SGCD: variants seen among roughly 807,000 people sequenced by gnomAD.
SGCD encodes sarcoglycan delta.
SGCD carries 18 observed loss-of-function variants against 36.6 expected under a neutral mutation model. The observed-to-expected ratio is 0.49, with a 90% CI of 0.34 to 0.73. SGCD has a LOEUF of 0.73. SGCD is among the 30% of genes least tolerant of loss of function. The pLI, the probability that SGCD is intolerant of heterozygous loss-of-function variation, is 0.01. For missense variants in SGCD, 387 were observed against 346.7 expected (o/e 1.12, Z -0.92); for synonymous variants, 133 against 130.6 (o/e 1.02, Z -0.12).
At chr5:155,884,570 G>C (rs1387441269) in intron 1 of SGCD, among the ~76,000 whole-genome samples, 1 of 152,172 alleles carries the variant, frequency 6.6e-6, no homozygotes, top group African/African-American at 2.4e-5. Context: ...AATCCTCTGA[G>C]ACCTATCAAG....
intron 5 of SGCD, among the ~76,000 whole-genome samples, chr5:156,589,909 A>G (rs1256207885): frequency 1.3e-5 from 2 of 152,310 alleles, no homozygotes; most frequent in African/African-American, 4.8e-5. Flanking sequence ...TTAAACTACA[A>G]ATTCCTGAAA....
chr5:156,437,220 C>T (rs1014333650), intron 3 of SGCD, among the ~76,000 whole-genome samples: 3 of 152,046 alleles, frequency 2.0e-5, no homozygotes, highest in African/African-American at 7.2e-5. Flanking sequence ...CCATGTAAGT[C>T]ATCTTACATG....
At chr5:155,965,074 C>A (rs528393035) in intron 1 of SGCD, among the ~76,000 whole-genome samples, 1 of 152,100 alleles carries the variant, frequency 6.6e-6, no homozygotes, top group South Asian at 2.1e-4. Context: ...GAGAATGGGG[C>A]CAGAGTCCTC....
the SGCD span, among the ~76,000 whole-genome samples, chr5:155,849,790 C>T: frequency 1.3e-5 from 2 of 152,124 alleles, no homozygotes; most frequent in Non-Finnish European, 2.9e-5. Flanking sequence ...ATAGACACCC[C>T]AAATGTTACC....
At chr5:156,445,348 C>T (rs1389824487) in intron 3 of SGCD, among the ~76,000 whole-genome samples, 2 of 152,016 alleles carry the variant, frequency 1.3e-5, no homozygotes, top group Non-Finnish European at 2.9e-5. Flanking sequence ...TCCTATCTGC[C>T]TGGTAAAATG....
intron 7 of SGCD, among the ~76,000 whole-genome samples, chr5:156,756,393 T>A (rs1308629757): frequency 6.6e-6 from 1 of 152,070 alleles, no homozygotes; most frequent in East Asian, 1.9e-4. Context: ...ACAAAAAATT[T>A]AAAAATTAGC....
chr5:156,230,636 G>C (rs1020301950), intron 3 of SGCD, among the ~76,000 whole-genome samples: 2 of 152,046 alleles, frequency 1.3e-5, no homozygotes, highest in African/African-American at 4.8e-5. Context: ...TGTTCTCTTG[G>C]ATTTCCTGAT....
intron 3 of SGCD, among the ~76,000 whole-genome samples, chr5:156,207,874 T>C (rs2127639661): frequency 6.6e-6 from 1 of 152,228 alleles, no homozygotes; most frequent in East Asian, 1.9e-4. Flanking sequence ...TTTTCCTGAA[T>C]AGAAAAATTT....
chr5:156,109,506 T>A (rs1761730327), intron 1 of SGCD, among the ~76,000 whole-genome samples: 1 of 152,192 alleles, frequency 6.6e-6, no homozygotes, highest in African/African-American at 2.4e-5. Flanking sequence ...GTGTGACTCA[T>A]CCCAATGTAT....
intron 3 of SGCD, among the ~76,000 whole-genome samples, chr5:156,290,909 G>T (rs1766741610): frequency 6.6e-6 from 1 of 152,034 alleles, no homozygotes; most frequent in African/African-American, 2.4e-5. Flanking sequence ...TAAATTTTAG[G>T]CTTTGTTGGA....
intron 3 of SGCD, among the ~76,000 whole-genome samples, chr5:156,438,538 CT>C (rs2127793721): frequency 6.6e-6 from 1 of 152,276 alleles, no homozygotes; most frequent in Admixed American, 6.5e-5. Flanking sequence ...AGAAACTCCA[CT>C]TCAACTCCCA....
intron 1 of SGCD, among the ~76,000 whole-genome samples, chr5:156,115,621 T>G (rs752997502): frequency 2.0e-5 from 3 of 152,112 alleles, no homozygotes; most frequent in Non-Finnish European, 2.9e-5. Context: ...ATCGATTATA[T>G]TTTTTTCTTA....
chr5:155,782,234 A>G, the SGCD span, among the ~76,000 whole-genome samples: 1 of 151,954 alleles, frequency 6.6e-6, no homozygotes, highest in Non-Finnish European at 1.5e-5. Flanking sequence ...CATGTTAGCC[A>G]GGCTGGTCTC....
chr5:156,427,473 T>C (rs915032987), intron 3 of SGCD, among the ~76,000 whole-genome samples: 3 of 152,024 alleles, frequency 2.0e-5, no homozygotes, highest in African/African-American at 7.2e-5. Flanking sequence ...TGTACAATCA[T>C]ATTGGTGAAC....
intron 3 of SGCD, among the ~76,000 whole-genome samples, chr5:156,489,381 C>G (rs1755840979): frequency 6.6e-6 from 1 of 152,058 alleles, no homozygotes; most frequent in African/African-American, 2.4e-5. Flanking sequence ...ATGGACCCAA[C>G]AGATGTTTAC....
chr5:155,961,236 ACTCTT>A (rs1561664147), intron 1 of SGCD, among the ~76,000 whole-genome samples: 3 of 151,198 alleles, frequency 2.0e-5, no homozygotes, highest in African/African-American at 7.3e-5. Flanking sequence ...AAATAAATAT[ACTCTT>A]CTCTATTTAC....
At chr5:156,074,471 C>T (rs1464963399) in intron 1 of SGCD, among the ~76,000 whole-genome samples, 1 of 149,502 alleles carries the variant, frequency 6.7e-6, no homozygotes, top group Non-Finnish European at 1.5e-5. Context: ...ATCACAAGAT[C>T]AGGAGTTAGA....
chr5:156,539,285 T>C (rs1426164904), intron 4 of SGCD, among the ~76,000 whole-genome samples: 1 of 152,022 alleles, frequency 6.6e-6, no homozygotes. Flanking sequence ...TCAATAGTTT[T>C]GGGAGTACAG....
intron 3 of SGCD, among the ~76,000 whole-genome samples, chr5:156,266,684 C>T (rs1347869732): frequency 2.0e-5 from 3 of 151,878 alleles, no homozygotes; most frequent in African/African-American, 7.3e-5. Context: ...GGCTATGTTT[C>T]CCAGGCTGGT....
Sources: gnomAD v4.1 joint callset for allele counts (sites outside exome capture counted in the v4.1 genomes callset) on GRCh38, gnomAD v4.1.1 for gene constraint, MANE v1.5 for transcripts, NCBI Gene and HGNC (gene_info 2026-07-23, HGNC 2026-07-21) for gene names.